ILDR2: variants seen among roughly 807,000 people sequenced by gnomAD.
ILDR2 encodes the protein immunoglobulin-like domain-containing receptor 2.
Under a neutral mutation model 66.8 loss-of-function variants are expected in ILDR2, and 25 were observed. That is an observed-to-expected ratio of 0.37 (90% CI 0.27 to 0.52). The LOEUF is 0.52. Ranked by LOEUF, ILDR2 falls within the 20% of genes least tolerant of loss-of-function variation. The pLI, the probability that ILDR2 is intolerant of heterozygous loss-of-function variation, is 0.88. For synonymous variants in ILDR2, 367 were observed against 357.2 expected (o/e 1.03, Z -0.31); for missense variants, 827 against 876.8 (o/e 0.94, Z 0.72).
rs181553840 is a variant in ILDR2, at chr1:166,974,135, C to T, written c.46+1088G>A. Among the ~76,000 whole-genome samples the T allele has an allele frequency of 7.2e-5, 11 of 152,276 alleles. No individual in the cohort carries two copies. The East Asian group carries it at 2.1e-3, about 29-fold the overall frequency. On this transcript the variant is annotated intron_variant, in intron 1 of 9. Transcript: ENST00000271417. ...GGTGATGCTAGAGGTGACAAAACTTCTCATGTGGTACTATTGTCCCTTTTC... is the reference window on the plus strand; with the variant it reads ...GGTGATGCTAGAGGTGACAAAACTTTTCATGTGGTACTATTGTCCCTTTTC...
At chr1:166,963,459 G>T (rs951869651) in intron 1 of ILDR2, among the ~76,000 whole-genome samples, 10 of 152,292 alleles carry the variant, frequency 6.6e-5, no homozygotes, top group South Asian at 2.1e-4. Context: ...TTTGAACCTA[G>T]ACTGACTGGC....
intron 6 of ILDR2, among the ~76,000 whole-genome samples, chr1:166,933,700 G>A (rs534816968): frequency 1.3e-5 from 2 of 152,296 alleles, no homozygotes; most frequent in East Asian, 3.9e-4. Flanking sequence ...TGGGAAGAAA[G>A]ATTAGAAAAA....
chr1:166,932,050 A>G (rs1219404384), intron 6 of ILDR2, among the ~76,000 whole-genome samples: 1 of 152,252 alleles, frequency 6.6e-6, no homozygotes, highest in African/African-American at 2.4e-5. Context: ...AAGGTTTCCC[A>G]GGGAGAGGAC....
intron 3 of ILDR2, among the ~76,000 whole-genome samples, chr1:166,949,720 A>C (rs1661854724): frequency 6.6e-6 from 1 of 152,216 alleles, no homozygotes; most frequent in South Asian, 2.1e-4. Flanking sequence ...CCAGAATCAG[A>C]TTCTAGCTGA....
intron 3 of ILDR2, among the ~76,000 whole-genome samples, chr1:166,954,513 T>C (rs112308132): frequency 4.9e-4 from 74 of 152,296 alleles, no homozygotes; most frequent in African/African-American, 1.7e-3. Flanking sequence ...ATTTATCATG[T>C]TTTGAACATC....
rs769358800 is a variant in ILDR2 at position 166,919,308 on chromosome 1, C to T, written c.*47G>A. The stretch of plus-strand genomic sequence containing the variant: ...GGTTCTTAGATTTGTGTCTTGTCCC[C>T]GTAGTCCATGTCTGATTTCTCATTA... On this transcript the variant is annotated 3_prime_UTR_variant, in exon 10 of 10. Transcript: ENST00000271417. 6.4e-6 allele frequency: 10 copies of T among 1,560,140 alleles called. No individual in the cohort carries two copies. The highest frequency in any genetic ancestry group is 2.7e-5 in the African/African-American group (2 of 73,740).
At chr1:166,941,732 A>G (rs1661322322) in intron 3 of ILDR2, among the ~76,000 whole-genome samples, 1 of 152,174 alleles carries the variant, frequency 6.6e-6, no homozygotes, top group African/African-American at 2.4e-5. Flanking sequence ...TTGTAAAATC[A>G]GAAACTTTGC....
chr1:166,909,781 T>TATATATATATATATATAAATATATATAAA lies in ILDR2; in HGVS notation c.*9573_*9574insTTTATATATATTTATATATATATATATAT, dbSNP rs1557921377. On this transcript the variant is annotated 3_prime_UTR_variant, in exon 10 of 10. Coordinates refer to ENST00000271417, the MANE Select transcript of ILDR2 (RefSeq NM_199351.3). Reference sequence around the variant, plus strand: ...TATAAATATATATAAATATATATATTTATATATATATATATATATATATAT... The same window carrying TATATATATATATATATAAATATATATAAA: ...TATAAATATATATAAATATATATATTATATATATATATATATAAATATATATAAATATATATATATATATATATATATAT... The TATATATATATATATATAAATATATATAAA allele has an allele frequency of 1.6e-5, 1 of 64,246 alleles. No individual in the cohort carries two copies. Among genetic ancestry groups the TATATATATATATATATAAATATATATAAA allele is most frequent in the Non-Finnish European group, 2.9e-5 (1 of 34,828 alleles). 4.0% of individuals were successfully genotyped at this position (64,246 alleles called of 1,614,324 possible).
rs60003717 is a variant in ILDR2 at position 166,909,750 on chromosome 1, T to TATATATAA, written c.*9604_*9605insTTATATAT. The TATATATAA allele has an allele frequency of 2.8e-3, 300 of 107,858 alleles. 1 individual carries two copies. Among genetic ancestry groups the TATATATAA allele is most frequent in the South Asian group, 5.3e-3 (17 of 3,232 alleles). 6.7% of individuals were successfully genotyped at this position (107,858 alleles called of 1,614,324 possible). ...GTGTATACATACATATATATATATA[T>TATATATAA]ATATATATAAATATATATAAATATA... On this transcript the variant is annotated 3_prime_UTR_variant, in exon 10 of 10. Transcript: ENST00000271417.
Position 166,913,356 on chromosome 1 carries a change from G to A in ILDR2, c.*5999C>T, listed in dbSNP as rs554440648. On this transcript the variant is annotated 3_prime_UTR_variant, in exon 10 of 10. Coordinates refer to ENST00000271417, the MANE Select transcript of ILDR2 (RefSeq NM_199351.3). ...AAGACAACTGACAGGTGGCCCTCAC[G>A]AAGCCAACTTCTCACCCTTCTCTGT... 1.5e-4 allele frequency: 23 copies of A among 152,138 alleles called. No individual in the cohort carries two copies. Among genetic ancestry groups the A allele is most frequent in the Admixed American group, 1.2e-3 (18 of 15,284 alleles). The allele number at this position is 152,138 out of a possible 1,614,324, so 9.4% of individuals were successfully genotyped here.
At chr1:166,906,765 G>A (rs1441808697), downstream of ILDR2, among the ~76,000 whole-genome samples, 3 of 152,234 alleles carry the variant, frequency 2.0e-5, no homozygotes, top group African/African-American at 7.2e-5. Context: ...TTCTGCTTAG[G>A]AAACATTTGG....
chr1:166,937,129 G>A (rs1661033269), intron 4 of ILDR2, among the ~76,000 whole-genome samples: 1 of 152,190 alleles, frequency 6.6e-6, no homozygotes, highest in African/African-American at 2.4e-5. Flanking sequence ...GGGCTACGAA[G>A]TGGTGGGTTC....
At chr1:166,942,593 TGA>T (rs1661371924) in intron 3 of ILDR2, among the ~76,000 whole-genome samples, 1 of 152,226 alleles carries the variant, frequency 6.6e-6, no homozygotes, top group Non-Finnish European at 1.5e-5. Flanking sequence ...CCAGAAATCA[TGA>T]GTTTGCAACC....
chr1:166,949,665 C>T (rs1661852871), intron 3 of ILDR2, among the ~76,000 whole-genome samples: 1 of 152,240 alleles, frequency 6.6e-6, no homozygotes, highest in African/African-American at 2.4e-5. Context: ...ACAAGCCCTA[C>T]TCCACTCTTC....
At chr1:166,970,425 A>G (rs1282578989) in intron 1 of ILDR2, among the ~76,000 whole-genome samples, 1 of 152,186 alleles carries the variant, frequency 6.6e-6, no homozygotes, top group Non-Finnish European at 1.5e-5. Context: ...TTCATTTACA[A>G]CTCATCAAAT....
chr1:166,965,576 T>TG (rs1000437109), intron 1 of ILDR2, among the ~76,000 whole-genome samples: 14 of 147,882 alleles, frequency 9.5e-5, no homozygotes, highest in African/African-American at 3.3e-4. Context: ...TTTTGTTTTT[T>TG]TTTTTGTTTT....
chr1:166,950,329 G>T (rs560811555), intron 3 of ILDR2, among the ~76,000 whole-genome samples: 1 of 152,268 alleles, frequency 6.6e-6, no homozygotes, highest in East Asian at 1.9e-4. Flanking sequence ...TGTTGCCATG[G>T]GAACTCTGGG....
intron 6 of ILDR2, among the ~76,000 whole-genome samples, chr1:166,932,109 A>G (rs1334310002): frequency 6.6e-6 from 1 of 152,274 alleles, no homozygotes; most frequent in Non-Finnish European, 1.5e-5. Flanking sequence ...AAGAACACCC[A>G]GCATACACAG....
intron 6 of ILDR2, among the ~76,000 whole-genome samples, chr1:166,931,946 T>C (rs151089115): frequency 1.2e-4 from 19 of 152,204 alleles, no homozygotes; most frequent in African/African-American, 3.4e-4. Flanking sequence ...CAGAAGACAG[T>C]TGGATATACG....
Sources: allele counts gnomAD v4.1 joint callset (sites outside exome capture counted in the v4.1 genomes callset), GRCh38; gene constraint gnomAD v4.1.1; transcripts MANE v1.5; gene names NCBI Gene and HGNC (gene_info 2026-07-23, HGNC 2026-07-21).